The following CACNA1H variants were observed in gnomAD, a reference collection of about 807,000 sequenced individuals.
CACNA1H encodes the protein calcium voltage-gated channel subunit alpha1 H, also known as voltage-dependent T-type calcium channel subunit alpha-1H.
CACNA1H carries 149 observed loss-of-function variants against 192.5 expected under a neutral mutation model. That is an observed-to-expected ratio of 0.77 (90% CI 0.68 to 0.89). The LOEUF (loss-of-function observed/expected upper bound fraction) is 0.89. CACNA1H is among the 40% of genes least tolerant of loss of function. The pLI, the probability that CACNA1H is intolerant of heterozygous loss-of-function variation, is 0.00. For missense variants in CACNA1H, 4,257 were observed against 3,423.5 expected, an observed-to-expected ratio of 1.24 and a Z score of -6.08; for synonymous variants, 2,202 against 1,475.2, an observed-to-expected ratio of 1.49 and a Z score of -11.29.
chr16:1,220,426 C>G lies in CACNA1H; in HGVS notation c.6494C>G (p.Pro2165Arg), dbSNP rs761624506. The G allele has an allele frequency of 9.8e-6, 15 of 1,533,810 alleles. No homozygotes were observed. Among genetic ancestry groups the G allele is most frequent in the African/African-American group, 1.4e-5 (1 of 71,236 alleles). Residue 2165 changes from proline (P) to arginine (R), a missense_variant, in exon 35 of 35, where the codon CCT becomes CGT. Coordinates refer to ENST00000348261, the MANE Select transcript of CACNA1H (RefSeq NM_021098.3). ...RPSAELGSGE[P>R]GEAKAWGPEA... is the part of the protein sequence containing the mutation. ...TCGGCGGAGCTGGGCAGCGGGGAGC[C>G]TGGGGAGGCGAAGGCCTGGGGCCCT...
Position 1,210,097 on chromosome 16 carries a change from C to A in CACNA1H, c.3807C>A (p.Arg1269=), listed in dbSNP as rs369343052. Residue 1269 remains arginine (R), a synonymous_variant, in exon 18 of 35, where the codon CGC becomes CGA. Coordinates refer to ENST00000348261, the MANE Select transcript of CACNA1H (RefSeq NM_021098.3). ...ACAAGCCCCAGTGGTGCCGGAGCCG[C>A]GAGGCCTGGGCCCTCTACCTCTTCT... ...EPYKPQWCRS[R]EAWALYLFSP... 2.6e-6 allele frequency: 4 copies of A among 1,560,126 alleles called. No individual in the cohort carries two copies. The highest frequency in any genetic ancestry group is 2.6e-6 in the Non-Finnish European group (3 of 1,152,810).
intron 2 of CACNA1H, among the ~76,000 whole-genome samples, chr16:1,162,176 C>T (rs1963271323): frequency 6.6e-6 from 1 of 152,280 alleles, no homozygotes. Context: ...CCTGTCAGCC[C>T]CATGACCCCT....
At position 1,220,591 on chromosome 16, in the gene CACNA1H, C is replaced by A; in HGVS notation, c.6659C>A (p.Thr2220Asn). The change falls in exon 35 of 35, where the codon ACC becomes AAC. Residue 2220 changes from threonine (T) to asparagine (N), a missense_variant. Thr to Asn is a moderately conservative substitution (Grantham distance 65). Coordinates refer to ENST00000348261, the MANE Select transcript of CACNA1H (RefSeq NM_021098.3). ...EGGSTTLRRR[T>N]PSCEATPHRD... is the part of the protein sequence containing the mutation. ...GGCAGCACCACACTGAGGCGCAGGA[C>A]CCCGTCCTGTGAGGCCACGCCTCAC... The A allele has an allele frequency of 1.9e-6, 3 of 1,552,828 alleles. No homozygotes were observed. The highest frequency in any genetic ancestry group is 2.6e-6 in the Non-Finnish European group (3 of 1,155,960).
rs1421704725 is a variant in CACNA1H at position 1,206,239 on chromosome 16, C to T, written c.2739C>T (p.Asp913=). 1 of 1,590,896 alleles carries T rather than the reference C, an allele frequency of 6.3e-7. No individual in the cohort carries two copies. The highest frequency in any genetic ancestry group is 1.7e-5 in the Admixed American group (1 of 57,336). The stretch of plus-strand genomic sequence containing the variant: ...TCGTGGTGCTGGTGAAGACCATGGA[C>T]AACGTGGCTACCTTCTGCACGCTGC... ...RQLVVLVKTM[D]NVATFCTLLM... The change falls in exon 12 of 35, where the codon GAC becomes GAT. Residue 913 remains aspartate (D), a synonymous_variant. Coordinates refer to ENST00000348261, the MANE Select transcript of CACNA1H (RefSeq NM_021098.3).
At position 1,210,978 on chromosome 16, in the gene CACNA1H, G is replaced by C; in HGVS notation, c.4223+7G>C. 1 of 1,591,676 alleles carries C rather than the reference G, an allele frequency of 6.3e-7. No individual in the cohort carries two copies. Among genetic ancestry groups the C allele is most frequent in the South Asian group, 1.1e-5 (1 of 90,688 alleles). The stretch of plus-strand genomic sequence containing the variant: ...GGACCCTGCGGCCTCTGAGGTGGGG[G>C]GCTCCCCGTGGGCTCCCGGGGCAAC... On this transcript the variant is annotated splice_region_variant and intron_variant, in intron 21 of 34. Transcript: ENST00000348261.
At chr16:1,185,738 GT>G (rs66470828) in intron 2 of CACNA1H, among the ~76,000 whole-genome samples, 2,402 of 2,672 alleles carry the variant, frequency 0.9, 1,143 homozygotes, top group East Asian at 0.93. Flanking sequence ...GGGTGTGTAC[GT>G]GGGCAGGTGA....
intron 2 of CACNA1H, among the ~76,000 whole-genome samples, chr16:1,162,750 G>T (rs943183045): frequency 6.6e-6 from 1 of 152,098 alleles, no homozygotes; most frequent in African/African-American, 2.4e-5. Flanking sequence ...TGAGACCCGG[G>T]CCCCACTGAC....
At position 1,201,649 on chromosome 16, in the gene CACNA1H, C is replaced by T. The variant is rs1298937775; in HGVS notation, c.1213-14C>T. ...GCTCACTCACTGCCACTTACCCGCC[C>T]GCCCCCGTCACAGGTGGGCTCCTTC... On this transcript the variant is annotated splice_polypyrimidine_tract_variant and intron_variant, in intron 8 of 34. Transcript: ENST00000348261. The T allele has an allele frequency of 3.8e-6, 6 of 1,566,232 alleles. No homozygotes were observed. Among genetic ancestry groups the T allele is most frequent in the Non-Finnish European group, 5.2e-6 (6 of 1,154,820 alleles).
At chr16:1,219,609 C>G (rs945194354) in intron 34 of CACNA1H, among the ~76,000 whole-genome samples, 1 of 152,232 alleles carries the variant, frequency 6.6e-6, no homozygotes, top group South Asian at 2.1e-4. Flanking sequence ...CTACCTCTTG[C>G]TGCCCAGTAC....
chr16:1,211,935 CTG>C lies in CACNA1H; in HGVS notation c.4567-8_4567-7del. 1 of 1,612,982 alleles carries C rather than the reference CTG, an allele frequency of 6.2e-7. No homozygotes were observed. Among genetic ancestry groups the C allele is most frequent in the Non-Finnish European group, 8.5e-7 (1 of 1,179,622 alleles). ...GCAGGCGGGCGGGGACCCACCGCCT[CTG>C]TGCCACAGCCTGTGCAGAACCACAA... On this transcript the variant is annotated splice_polypyrimidine_tract_variant and intron_variant, in intron 24 of 34. Coordinates refer to ENST00000348261, the MANE Select transcript of CACNA1H (RefSeq NM_021098.3).
At position 1,215,109 on chromosome 16, in the gene CACNA1H, C is replaced by T. The variant is rs1284271166; in HGVS notation, c.5039+28C>T. The T allele has an allele frequency of 4.4e-6, 7 of 1,596,080 alleles. No homozygotes were observed. The African/African-American group carries it at 8.0e-5, about 18-fold the overall frequency. On this transcript the variant is annotated intron_variant, in intron 28 of 34. Coordinates refer to ENST00000348261, the MANE Select transcript of CACNA1H (RefSeq NM_021098.3). Reference sequence around the variant, plus strand: ...GTGTGTGGTGGGGCCGTCTTGGGTTCTGGGGGCCCCTCAGGGCTCTGGGGG... The same window carrying T: ...GTGTGTGGTGGGGCCGTCTTGGGTTTTGGGGGCCCCTCAGGGCTCTGGGGG...
rs3990780 is a variant in CACNA1H at position 1,189,397 on chromosome 16, C to CTTT, written c.300-5540_300-5538dup. On this transcript the variant is annotated intron_variant, in intron 2 of 34. Transcript: ENST00000348261. ...CCTGGCAGGTGCCCTGAAGAGTGTC[C>CTTT]TTTTTTTTTTTTTTTTTTTTTTTTT... 1.7e-3 allele frequency among the ~76,000 whole-genome samples: 76 copies of CTTT among 45,030 alleles called. 19 individuals carry two copies. Among genetic ancestry groups the CTTT allele is most frequent in the African/African-American group, 2.2e-3 (39 of 18,016 alleles). 29.5% of individuals were successfully genotyped at this position (45,030 alleles called of 152,430 possible).
intron 12 of CACNA1H, 139 bp from the exon 13 acceptor site, chr16:1,206,862 G>T: frequency 1.7e-6 from 1 of 598,808 alleles, no homozygotes; most frequent in Non-Finnish European, 3.0e-6. Context: ...CGCCCAGGGA[G>T]GGTAGGAGGC....
rs772650204 is a variant in CACNA1H, at chr16:1,195,059, C to T, written c.387C>T (p.Gly129=). Reference sequence around the variant, plus strand: ...GGCCCTGTGAGGACGTTGAGTGCGGCTCCGAGCGCTGCAACATCCTGGAGG... The same window carrying T: ...GGCCCTGTGAGGACGTTGAGTGCGGTTCCGAGCGCTGCAACATCCTGGAGG... The part of the protein sequence containing the change: ...MFRPCEDVEC[G]SERCNILEAF... Residue 129 remains glycine, a synonymous_variant, in exon 3 of 35, where the codon GGC becomes GGT. Coordinates refer to ENST00000348261, the MANE Select transcript of CACNA1H (RefSeq NM_021098.3). 54 of 1,607,792 alleles carry T rather than the reference C, an allele frequency of 3.4e-5. No homozygotes were observed. The highest frequency in any genetic ancestry group is 4.5e-5 in the Non-Finnish European group (53 of 1,176,532).
intron 2 of CACNA1H, among the ~76,000 whole-genome samples, chr16:1,163,009 C>G (rs1411163449): frequency 6.6e-6 from 1 of 152,262 alleles, no homozygotes; most frequent in Non-Finnish European, 1.5e-5. Context: ...GGCACAGTGG[C>G]CGGTGCTCTG....
In CACNA1H at chr16:1,215,578, G is replaced by A. The variant is rs1405396222; in HGVS notation, c.5229G>A (p.Val1743=). ...TGMRALLDTV[V]QALPQVGNLG... is the part of the protein sequence containing the mutation. ...TGCGCGCCCTGCTGGACACTGTGGTGCAAGCTCTCCCCCAGGTAGGTGGAG... is the reference window on the plus strand; with the variant it reads ...TGCGCGCCCTGCTGGACACTGTGGTACAAGCTCTCCCCCAGGTAGGTGGAG... The change falls in exon 30 of 35, where the codon GTG becomes GTA. Residue 1743 remains valine, a synonymous_variant. Transcript: ENST00000348261. 2 of 1,611,392 alleles carry A rather than the reference G, an allele frequency of 1.2e-6. No homozygotes were observed. The highest frequency in any genetic ancestry group is 2.7e-5 in the African/African-American group (2 of 74,918).
rs201602467 is a variant in CACNA1H, at chr16:1,210,018, G to T, written c.3745-17G>T. On this transcript the variant is annotated splice_polypyrimidine_tract_variant and intron_variant, in intron 17 of 34. Coordinates refer to ENST00000348261, the MANE Select transcript of CACNA1H (RefSeq NM_021098.3). The stretch of plus-strand genomic sequence containing the variant: ...AGGCAGGCGCAGGCTCTGAGAAGCC[G>T]CCGCCTCATCCCACAGAGCTGCTGC... 1.3e-6 allele frequency: 2 copies of T among 1,541,174 alleles called. No individual in the cohort carries two copies. The highest frequency in any genetic ancestry group is 8.8e-7 in the Non-Finnish European group (1 of 1,142,072).
At chr16:1,168,567 CAGGT>C (rs1192878056) in intron 2 of CACNA1H, among the ~76,000 whole-genome samples, 1 of 151,942 alleles carries the variant, frequency 6.6e-6, no homozygotes, top group Non-Finnish European at 1.5e-5. Context: ...GAGGTGGTGA[CAGGT>C]GGGGTCGTGG....
intron 14 of CACNA1H, 62 bp downstream of exon 14, chr16:1,207,492 G>A (rs963422982): frequency 3.9e-6 from 6 of 1,549,706 alleles, no homozygotes; most frequent in Non-Finnish European, 4.4e-6. Flanking sequence ...CGGGCTTCAG[G>A]TCGAGGGGAG....
Sources: gnomAD v4.1 joint callset for allele counts (sites outside exome capture counted in the v4.1 genomes callset) on GRCh38, gnomAD v4.1.1 for gene constraint, MANE v1.5 for transcripts, NCBI Gene and HGNC (gene_info 2026-07-23, HGNC 2026-07-21) for gene names.